Variants in ASIC2 observed in about 807,000 individuals in gnomAD.
ASIC2 encodes the protein acid sensing ion channel subunit 2, also known as acid-sensing ion channel 2.
ASIC2 carries 25 observed loss-of-function variants against 57.3 expected under a neutral mutation model. The observed-to-expected ratio is 0.44, with a 90% confidence interval of 0.32 to 0.61. The LOEUF (loss-of-function observed/expected upper bound fraction) is 0.61, where lower values mean the gene tolerates loss of function less well. Among genes scored for constraint, ASIC2 ranks in the 20% least tolerant of loss-of-function variants. The pLI is 0.06. For synonymous variants in ASIC2, 319 were observed against 307.5 expected, an observed-to-expected ratio of 1.04 and a Z score of -0.39; for missense variants, 641 against 738.1, an observed-to-expected ratio of 0.87 and a Z score of 1.52.
At chr17:33,154,096 G>A (rs1233808640) in intron 1 of ASIC2, among the ~76,000 whole-genome samples, 1 of 152,176 alleles carries the variant, frequency 6.6e-6, no homozygotes, top group African/African-American at 2.4e-5. Flanking sequence ...CAGTTTGCCT[G>A]AGATGTAGGA....
chr17:33,469,286 C>T (rs958714603), intron 1 of ASIC2, among the ~76,000 whole-genome samples: 1 of 152,128 alleles, frequency 6.6e-6, no homozygotes, highest in Non-Finnish European at 1.5e-5. Flanking sequence ...TTAGGCTAGG[C>T]GGGCTGTGCT....
intron 1 of ASIC2, among the ~76,000 whole-genome samples, chr17:33,601,173 A>G (rs1567665737): frequency 6.6e-6 from 1 of 152,216 alleles, no homozygotes; most frequent in Non-Finnish European, 1.5e-5. Context: ...ATGAAAGAGT[A>G]TGTTTAGGAA....
chr17:33,277,526 G>A (rs975844109), intron 1 of ASIC2, among the ~76,000 whole-genome samples: 1 of 152,240 alleles, frequency 6.6e-6, no homozygotes, highest in African/African-American at 2.4e-5. Context: ...CACAATGCCA[G>A]GGAAAGGGCC....
At chr17:33,415,936 C>G (rs995823875) in intron 1 of ASIC2, among the ~76,000 whole-genome samples, 1 of 152,208 alleles carries the variant, frequency 6.6e-6, no homozygotes, top group African/African-American at 2.4e-5. Flanking sequence ...TGGCATTGAG[C>G]TGCATTCAAT....
At chr17:33,342,287 T>C (rs1335810874) in intron 1 of ASIC2, among the ~76,000 whole-genome samples, 2 of 152,006 alleles carry the variant, frequency 1.3e-5, no homozygotes, top group Non-Finnish European at 1.5e-5. Context: ...AACTGCAAAT[T>C]GGCTTTTTGT....
rs138541171 is a variant in ASIC2 at position 33,850,962 on chromosome 17, C to T, written c.555+305016G>A. Among the ~76,000 whole-genome samples the T allele has an allele frequency of 3.3e-5, 5 of 152,266 alleles. No individual in the cohort carries two copies. In the East Asian group the frequency reaches 7.7e-4, roughly 24 times the overall value. ...AACTACACCCAACACCAATCAGAGC[C>T]AGAGGCTTGGACAGCCATGTGCAAG... On this transcript the variant is annotated intron_variant, in intron 1 of 9. Transcript: ENST00000359872.
chr17:33,368,973 C>T (rs1318168611), intron 1 of ASIC2, among the ~76,000 whole-genome samples: 2 of 152,186 alleles, frequency 1.3e-5, no homozygotes, highest in African/African-American at 2.4e-5. Flanking sequence ...ATAAACCCTC[C>T]AGACACAAGT....
intron 1 of ASIC2, among the ~76,000 whole-genome samples, chr17:33,994,978 C>T (rs1045350068): frequency 6.6e-6 from 1 of 152,020 alleles, no homozygotes; most frequent in African/African-American, 2.4e-5. Context: ...ACATATAGAC[C>T]CTTCCTAGCA....
intron 2 of ASIC2, among the ~76,000 whole-genome samples, chr17:33,111,536 T>A (rs748989154): frequency 6.6e-6 from 1 of 152,036 alleles, no homozygotes; most frequent in Non-Finnish European, 1.5e-5. Flanking sequence ...TCCTTTCAGA[T>A]CTTCTAATTG....
chr17:33,581,656 T>C (rs1276685330), intron 1 of ASIC2, among the ~76,000 whole-genome samples: 4 of 152,312 alleles, frequency 2.6e-5, no homozygotes, highest in South Asian at 2.1e-4. Flanking sequence ...GGGTTTTAAG[T>C]TCTCCTGTTC....
intron 1 of ASIC2, among the ~76,000 whole-genome samples, chr17:33,962,096 A>C (rs1224144505): frequency 6.6e-6 from 1 of 152,188 alleles, no homozygotes; most frequent in Non-Finnish European, 1.5e-5. Context: ...CCCACCCCAG[A>C]ATGCAAGCCC....
intron 1 of ASIC2, among the ~76,000 whole-genome samples, chr17:33,631,971 T>C (rs1597814299): frequency 6.6e-6 from 1 of 152,268 alleles, no homozygotes; most frequent in Non-Finnish European, 1.5e-5. Flanking sequence ...AGTGGTTGTA[T>C]TATTGGTTCA....
At chr17:33,473,756 T>A (rs969715530) in intron 1 of ASIC2, among the ~76,000 whole-genome samples, 6 of 152,162 alleles carry the variant, frequency 3.9e-5, no homozygotes, top group African/African-American at 1.4e-4. Context: ...TCCAGTATTG[T>A]GAGGTTTTCT....
At chr17:33,709,770 C>T (rs981934787) in intron 1 of ASIC2, among the ~76,000 whole-genome samples, 1 of 152,124 alleles carries the variant, frequency 6.6e-6, no homozygotes, top group Non-Finnish European at 1.5e-5. Context: ...GTATAAAGAA[C>T]CCTTAATATG....
intron 1 of ASIC2, among the ~76,000 whole-genome samples, chr17:33,471,314 C>A (rs1913043339): frequency 6.6e-6 from 1 of 152,156 alleles, no homozygotes; most frequent in African/African-American, 2.4e-5. Flanking sequence ...GGGACTTGGT[C>A]ATTTGAATGG....
chr17:33,857,096 T>G (rs1913977796), intron 1 of ASIC2, among the ~76,000 whole-genome samples: 1 of 152,092 alleles, frequency 6.6e-6, no homozygotes, highest in Non-Finnish European at 1.5e-5. Context: ...TCTCAGTTGC[T>G]CCTTGGCAGC....
intron 1 of ASIC2, among the ~76,000 whole-genome samples, chr17:34,007,628 G>A (rs1002475531): frequency 1.3e-5 from 2 of 152,200 alleles, no homozygotes; most frequent in African/African-American, 4.8e-5. Flanking sequence ...GAGCCAGAAT[G>A]AGGTCCCAGG....
intron 1 of ASIC2, among the ~76,000 whole-genome samples, chr17:33,237,518 T>C (rs1908341477): frequency 6.6e-6 from 1 of 152,086 alleles, no homozygotes; most frequent in Non-Finnish European, 1.5e-5. Context: ...ACTCAGGTGA[T>C]TTTGTGTTTT....
intron 1 of ASIC2, among the ~76,000 whole-genome samples, chr17:33,961,147 C>T (rs1343017975): frequency 6.6e-6 from 1 of 152,106 alleles, no homozygotes; most frequent in Non-Finnish European, 1.5e-5. Flanking sequence ...AAACTGAGAA[C>T]AGAAGAACCA....
Sources: allele counts gnomAD v4.1 joint callset (sites outside exome capture counted in the v4.1 genomes callset), GRCh38; gene constraint gnomAD v4.1.1; transcripts MANE v1.5; gene names NCBI Gene and HGNC (gene_info 2026-07-23, HGNC 2026-07-21).